GALC: variants seen among roughly 807,000 people sequenced by gnomAD.
GALC encodes galactosylceramidase.
Under a neutral mutation model 91.8 loss-of-function variants are expected in GALC, and 77 were observed. The observed-to-expected ratio is 0.84, with a 90% CI of 0.70 to 1.01. The LOEUF is 1.01. Ranked by LOEUF, GALC falls within the 50% of genes least tolerant of loss-of-function variation. The pLI is 0.00. For missense variants in GALC, 882 were observed against 855.9 expected, an observed-to-expected ratio of 1.03 and a Z score of -0.38; for synonymous variants, 357 against 306.7, an observed-to-expected ratio of 1.16 and a Z score of -1.71.
chr14:87,993,454 A>C, upstream of GALC: 1 of 1,535,862 alleles, frequency 6.5e-7, no homozygotes, highest in Non-Finnish European at 8.7e-7. Context: ...AGGTCCGCCA[A>C]AGGAAGAGGG....
chr14:87,993,632 A>G, upstream of GALC: 1 of 647,992 alleles, frequency 1.5e-6, no homozygotes, highest in Non-Finnish European at 2.7e-6. Flanking sequence ...GAAGAGCAGC[A>G]GAGTGAGGGA....
At chr14:87,950,605 G>T in intron 11 of GALC, 54 bp downstream of exon 11, 1 of 1,127,696 alleles carries the variant, frequency 8.9e-7, no homozygotes, top group Non-Finnish European at 1.3e-6. Context: ...GCCTGTGACA[G>T]AATATATAAA....
intron 16 of GALC, among the ~76,000 whole-genome samples, chr14:87,937,646 T>C (rs963895361): frequency 6.6e-6 from 1 of 151,570 alleles, no homozygotes; most frequent in Admixed American, 6.6e-5. Context: ...GTATCAGAAG[T>C]ACAAGACACA....
intron 16 of GALC, among the ~76,000 whole-genome samples, chr14:87,938,768 G>A (rs1452375631): frequency 6.6e-6 from 1 of 151,680 alleles, no homozygotes; most frequent in Non-Finnish European, 1.5e-5. Flanking sequence ...AAACATAAAA[G>A]CAATGAATAA....
chr14:87,934,185 T>C lies in GALC; in HGVS notation c.*547A>G, dbSNP rs1595182975. The C allele has an allele frequency of 7.2e-7, 1 of 1,397,118 alleles. No individual in the cohort carries two copies. Among genetic ancestry groups the C allele is most frequent in the East Asian group, 2.5e-5 (1 of 39,276 alleles). 86.5% of individuals were successfully genotyped at this position (1,397,118 alleles called of 1,614,324 possible). ...CTCATCATATCCTGCATTTCAAAAGTATCATCTTAAAAAGGAAAATAAAAA... is the reference window on the plus strand; with the variant it reads ...CTCATCATATCCTGCATTTCAAAAGCATCATCTTAAAAAGGAAAATAAAAA... On this transcript the variant is annotated 3_prime_UTR_variant, in exon 17 of 17. Transcript: ENST00000261304.
upstream of GALC, chr14:87,993,247 TG>T (rs1415294376): frequency 8.4e-6 from 13 of 1,542,350 alleles, no homozygotes; most frequent in Admixed American, 2.6e-4. Context: ...CCGCTGATGC[TG>T]ACGCCGCCGC....
At position 87,934,410 on chromosome 14, in the gene GALC, A is replaced by G. The variant is rs990630471; in HGVS notation, c.*322T>C. Reference sequence around the variant, plus strand: ...TACAGGACCGCTTGCAAATAAGATGAAGAGAGCTACCTCAGTGTTAGCAGC... The same window carrying G: ...TACAGGACCGCTTGCAAATAAGATGGAGAGAGCTACCTCAGTGTTAGCAGC... On this transcript the variant is annotated 3_prime_UTR_variant, in exon 17 of 17. Transcript: ENST00000261304. 3.3e-5 allele frequency: 42 copies of G among 1,282,100 alleles called. No individual in the cohort carries two copies. The highest frequency in any genetic ancestry group is 4.0e-5 in the Non-Finnish European group (40 of 1,007,198). The allele number at this position is 1,282,100 out of a possible 1,614,324, so 79.4% of individuals were successfully genotyped here.
rs542520040 is a variant in GALC at position 87,939,892 on chromosome 14, C to T, written c.1911+13G>A. The stretch of plus-strand genomic sequence containing the variant: ...GAGCATTTTACCTCCAGACTCCAAT[C>T]AGCAATACTTACCTTAATAGTTAAC... On this transcript the variant is annotated intron_variant, in intron 16 of 16. Transcript: ENST00000261304. 4.4e-6 allele frequency: 7 copies of T among 1,573,550 alleles called. No individual in the cohort carries two copies. In the South Asian group the frequency reaches 6.6e-5, roughly 15 times the overall value.
chr14:87,957,947 C>T (rs1411015699), intron 10 of GALC, among the ~76,000 whole-genome samples: 2 of 152,114 alleles, frequency 1.3e-5, no homozygotes, highest in Non-Finnish European at 2.9e-5. Context: ...AAGCAATCTA[C>T]ATATTCAGTG....
chr14:87,941,476 C>T lies in GALC; in HGVS notation c.1753G>A (p.Gly585Ser). Residue 585 changes from glycine (G) to serine (S), a missense_variant, in exon 15 of 17, where the codon GGT becomes AGT. Coordinates refer to ENST00000261304, the MANE Select transcript of GALC (RefSeq NM_000153.4). Reference sequence around the variant, plus strand: ...CTGGCACTTCTAATCAAAATACCACCTTTATTTACTCTTCCTGCAATGAAC... The same window carrying T: ...CTGGCACTTCTAATCAAAATACCACTTTTATTTACTCTTCCTGCAATGAAC... Reference protein sequence around the residue: ...GVFIAGRVNKGGILIRSARGI... With the variant: ...GVFIAGRVNKSGILIRSARGI... The T allele has an allele frequency of 6.2e-7, 1 of 1,605,530 alleles. No homozygotes were observed. Among genetic ancestry groups the T allele is most frequent in the South Asian group, 1.1e-5 (1 of 90,908 alleles).
chr14:87,992,896 CG>C, intron 1 of GALC, 73 bp downstream of exon 1: 1 of 1,442,186 alleles, frequency 6.9e-7, no homozygotes, highest in African/African-American at 1.5e-5. Flanking sequence ...GGCAACGCCG[CG>C]GGGGCTTGTG....
chr14:87,953,755 G>A, intron 10 of GALC: 1 of 1,604,070 alleles, frequency 6.2e-7, no homozygotes, highest in Non-Finnish European at 8.5e-7. Flanking sequence ...GAATGTGTCT[G>A]AATTTAAGGG....
chr14:87,984,088 A>G (rs1401469450), intron 5 of GALC, among the ~76,000 whole-genome samples: 1 of 151,138 alleles, frequency 6.6e-6, no homozygotes, highest in Non-Finnish European at 1.5e-5. Flanking sequence ...TGTAGGAACC[A>G]GAGAAAGCAG....
chr14:87,987,439 T>C (rs1185194550), intron 3 of GALC, among the ~76,000 whole-genome samples: 1 of 152,242 alleles, frequency 6.6e-6, no homozygotes, highest in African/African-American at 2.4e-5. Flanking sequence ...GGGGTTTCTT[T>C]TGTTTTTGCT....
At position 87,988,532 on chromosome 14, in the gene GALC, A is replaced by T; in HGVS notation, c.196-9T>A. 1 of 1,586,488 alleles carries T rather than the reference A, an allele frequency of 6.3e-7. No homozygotes were observed. The highest frequency in any genetic ancestry group is 8.7e-7 in the Non-Finnish European group (1 of 1,154,924). On this transcript the variant is annotated splice_polypyrimidine_tract_variant and intron_variant, in intron 1 of 16. Transcript: ENST00000261304. Reference sequence around the variant, plus strand: ...AGAAGTCGGGAGGTTGCCTAAAAAAAAAAGTTTTCAAAAGTATGAATAAAA... The same window carrying T: ...AGAAGTCGGGAGGTTGCCTAAAAAATAAAGTTTTCAAAAGTATGAATAAAA...
chr14:87,952,265 T>C (rs1885343430), intron 10 of GALC, among the ~76,000 whole-genome samples: 1 of 151,696 alleles, frequency 6.6e-6, no homozygotes, highest in Non-Finnish European at 1.5e-5. Flanking sequence ...AGAGAAAACA[T>C]ACACTTCAAC....
intron 10 of GALC, among the ~76,000 whole-genome samples, chr14:87,963,094 G>C (rs539109931): frequency 1.3e-5 from 2 of 152,230 alleles, no homozygotes; most frequent in South Asian, 4.1e-4. Context: ...GCAAGGGAAG[G>C]TCGTGAAGGT....
chr14:87,956,615 CA>C (rs1566982419), intron 10 of GALC, among the ~76,000 whole-genome samples: 66 of 136,418 alleles, frequency 4.8e-4, no homozygotes, highest in Non-Finnish European at 6.2e-4. Context: ...CACACACACA[CA>C]CACACCATAT....
chr14:87,993,619 C>T (rs548012394), upstream of GALC: 49 of 693,898 alleles, frequency 7.1e-5, no homozygotes, highest in Admixed American at 1.0e-3. Context: ...TGAGATGAGG[C>T]GAGAAGAGCA....
Sources: allele counts gnomAD v4.1 joint callset (sites outside exome capture counted in the v4.1 genomes callset), GRCh38; gene constraint gnomAD v4.1.1; transcripts MANE v1.5; gene names NCBI Gene and HGNC (gene_info 2026-07-23, HGNC 2026-07-21).